The following GPR155 variants were observed in gnomAD, a reference collection of about 807,000 sequenced individuals.
GPR155 encodes lysosomal cholesterol signaling protein.
GPR155 carries 65 observed loss-of-function variants against 93.1 expected under a neutral mutation model. The ratio of observed to expected loss-of-function variants is 0.70; its 90% CI spans 0.57 to 0.86. The LOEUF (loss-of-function observed/expected upper bound fraction) is 0.86, where lower values mean the gene tolerates loss of function less well. Among genes scored for constraint, GPR155 ranks in the 40% least tolerant of loss-of-function variants. GPR155 has a pLI of 0.00. For synonymous variants in GPR155, 319 were observed against 360.1 expected (o/e 0.89, Z 1.29); for missense variants, 838 against 1,034.8 (o/e 0.81, Z 2.61).
intron 2 of GPR155, among the ~76,000 whole-genome samples, chr2:174,474,523 C>A (rs552294331): frequency 5.9e-5 from 9 of 152,168 alleles, no homozygotes; most frequent in Admixed American, 6.5e-5. Flanking sequence ...CCCCCACCCC[C>A]CATAGCATGT....
intron 1 of GPR155, among the ~76,000 whole-genome samples, chr2:174,485,933 A>C (rs574329784): frequency 3.3e-5 from 5 of 152,314 alleles, no homozygotes; most frequent in Admixed American, 2.0e-4. Context: ...GTACTTACAA[A>C]CCGCTTCTAG....
chr2:174,455,021 A>C (rs1056058983), intron 10 of GPR155, among the ~76,000 whole-genome samples: 1 of 152,164 alleles, frequency 6.6e-6, no homozygotes, highest in Non-Finnish European at 1.5e-5. Context: ...GGCTATAGTC[A>C]ACAAAGATAC....
At chr2:174,440,181 A>C in intron 14 of GPR155, 146 bp from the exon 15 acceptor site, 1 of 607,706 alleles carries the variant, frequency 1.6e-6, no homozygotes, top group Non-Finnish European at 2.8e-6. Flanking sequence ...CGTTAGTCTC[A>C]GAAGCAAAAA....
At chr2:174,482,651 C>T (rs895044558) in intron 1 of GPR155, among the ~76,000 whole-genome samples, 1 of 152,062 alleles carries the variant, frequency 6.6e-6, no homozygotes, top group Non-Finnish European at 1.5e-5. Context: ...TGGGTTCAAG[C>T]GATTCGTGTG....
chr2:174,459,654 G>A (rs1286739221), intron 10 of GPR155, among the ~76,000 whole-genome samples: 3 of 152,148 alleles, frequency 2.0e-5, no homozygotes, highest in African/African-American at 7.2e-5. Context: ...AGACCAGCCT[G>A]GGCAACATGG....
chr2:174,482,627 C>T lies in GPR155; in HGVS notation c.-31-640G>A, dbSNP rs183589174. Among the ~76,000 whole-genome samples, 41 of 152,284 alleles carry T rather than the reference C, an allele frequency of 2.7e-4. 1 individual carries two copies. In the East Asian group the frequency reaches 4.8e-3, roughly 18 times the overall value. The stretch of plus-strand genomic sequence containing the variant: ...GCAGTGGTGCAATCTCAGCTCAGTG[C>T]AACCTCTGTCTCCTGGGTTCAAGCG... On this transcript the variant is annotated intron_variant, in intron 1 of 15. Coordinates refer to ENST00000392552, the MANE Select transcript of GPR155 (RefSeq NM_152529.7).
rs73022169 is a variant in GPR155 at position 174,467,542 on chromosome 2, G to A, written c.1183-915C>T. Among the ~76,000 whole-genome samples, 1,522 of 152,304 alleles carry A rather than the reference G, an allele frequency of 1.0e-2. 23 individuals carry two copies. Among genetic ancestry groups the A allele is most frequent in the African/African-American group, 0.034 (1,400 of 41,562 alleles). On this transcript the variant is annotated intron_variant, in intron 5 of 15. Coordinates refer to ENST00000392552, the MANE Select transcript of GPR155 (RefSeq NM_152529.7). ...CATGTTCTAACTATGCCTACCTTCC[G>A]TGTCTGGGGTGGGACACAGGGTCAC... is the stretch of plus-strand genomic sequence containing the variant.
intron 12 of GPR155, among the ~76,000 whole-genome samples, chr2:174,445,609 A>G (rs896789841): frequency 3.3e-5 from 5 of 152,210 alleles, no homozygotes; most frequent in African/African-American, 1.2e-4. Flanking sequence ...TCTCACGAGC[A>G]TCCCAGTGTG....
At chr2:174,486,546 A>G (rs1362069426) in intron 1 of GPR155, among the ~76,000 whole-genome samples, 1 of 152,092 alleles carries the variant, frequency 6.6e-6, no homozygotes, top group Non-Finnish European at 1.5e-5. Flanking sequence ...TACTGAGGGT[A>G]CCCTCGGGAT....
At chr2:174,455,264 A>G (rs1300881797) in intron 10 of GPR155, among the ~76,000 whole-genome samples, 1 of 152,226 alleles carries the variant, frequency 6.6e-6, no homozygotes, top group Non-Finnish European at 1.5e-5. Flanking sequence ...CTTCGGTTTT[A>G]AAGGCCCTGA....
intron 1 of GPR155, among the ~76,000 whole-genome samples, chr2:174,483,989 A>G (rs775883809): frequency 6.6e-6 from 1 of 152,248 alleles, no homozygotes; most frequent in Non-Finnish European, 1.5e-5. Flanking sequence ...TACAATGCTC[A>G]GGTTAAGTCC....
intron 11 of GPR155, among the ~76,000 whole-genome samples, chr2:174,448,699 G>A (rs1331553481): frequency 3.3e-5 from 5 of 151,042 alleles, no homozygotes; most frequent in Non-Finnish European, 5.9e-5. Flanking sequence ...CACTGCGCCC[G>A]GCTAATTTTT....
At chr2:174,480,175 A>G (rs945369876) in intron 2 of GPR155, among the ~76,000 whole-genome samples, 14 of 152,232 alleles carry the variant, frequency 9.2e-5, no homozygotes, top group African/African-American at 2.2e-4. Context: ...CTCAGAAGAC[A>G]TATCATCAGA....
rs1574708916 is a variant in GPR155, at chr2:174,453,642, A to G, written c.1876+95T>C. ...GCCACTGCACTCCAGCCTGGGTGAC[A>G]GAGCAAGACTCCGTCTCAAAAAAAA... On this transcript the variant is annotated intron_variant, in intron 11 of 15. Transcript: ENST00000392552. 3 of 672,876 alleles carry G rather than the reference A, an allele frequency of 4.5e-6. No individual in the cohort carries two copies. In the East Asian group the frequency reaches 8.2e-5, roughly 18 times the overall value. 41.7% of individuals were successfully genotyped at this position (672,876 alleles called of 1,614,324 possible).
chr2:174,481,760 G>A lies in GPR155; in HGVS notation c.197C>T (p.Thr66Ile), dbSNP rs761267379. 47 of 1,614,064 alleles carry A rather than the reference G, an allele frequency of 2.9e-5. No homozygotes were observed. The highest frequency in any genetic ancestry group is 2.0e-4 in the Admixed American group (12 of 60,008). Reference protein sequence around the residue: ...GYIAGRANVITSTQAKGLGNF... With the variant: ...GYIAGRANVIISTQAKGLGNF... ...TCCTAGTCCTTTGGCCTGGGTTGAT[G>A]TTATGACATTGGCCCTTCCTGCTAT... The change falls in exon 2 of 16, where the codon ACA (threonine) becomes ATA (isoleucine). Residue 66 changes from threonine (T) to isoleucine (I), a missense_variant. By Grantham distance (89) the Thr-to-Ile change is moderately conservative (BLOSUM62 -1). This residue lies in a region of GPR155 where 663 missense variants were observed against 790.1 expected (regional missense o/e 0.84). Coordinates refer to ENST00000392552, the MANE Select transcript of GPR155 (RefSeq NM_152529.7).
chr2:174,476,631 A>C (rs1003078766), intron 2 of GPR155, among the ~76,000 whole-genome samples: 9 of 151,642 alleles, frequency 5.9e-5, no homozygotes, highest in Admixed American at 3.3e-4. Context: ...ACAAAAAAAA[A>C]CCTTTCTTTT....
rs1269339994 is a variant in GPR155 at position 174,483,774 on chromosome 2, G to A, written c.-31-1787C>T. ...CTAATTTTGAATTTTTAGTAGAGAC[G>A]GGGTTTCTCCATGTTGGTCAGGTTC... On this transcript the variant is annotated intron_variant, in intron 1 of 15. Transcript: ENST00000392552. Among the ~76,000 whole-genome samples the A allele has an allele frequency of 5.3e-5, 8 of 152,038 alleles. No individual in the cohort carries two copies. The East Asian group carries it at 1.2e-3, about 22-fold the overall frequency.
At chr2:174,446,066 G>T (rs1012446478) in intron 12 of GPR155, among the ~76,000 whole-genome samples, 2 of 151,816 alleles carry the variant, frequency 1.3e-5, no homozygotes, top group Non-Finnish European at 2.9e-5. Context: ...CAGCACTTTG[G>T]GAGGCTAAGG....
At chr2:174,469,308 A>C (rs1687927702) in intron 4 of GPR155, among the ~76,000 whole-genome samples, 1 of 152,174 alleles carries the variant, frequency 6.6e-6, no homozygotes, top group Non-Finnish European at 1.5e-5. Context: ...ACGCATAATA[A>C]ATACTAGAAA....
Sources: gnomAD v4.1 joint callset for allele counts (sites outside exome capture counted in the v4.1 genomes callset) on GRCh38, gnomAD v4.1.1 for gene constraint, gnomAD v4.1.1 regional missense constraint, MANE v1.5 for transcripts, NCBI Gene and HGNC (gene_info 2026-07-23, HGNC 2026-07-21) for gene names.